IAH1: variants seen among roughly 807,000 people sequenced by gnomAD.
IAH1 encodes the protein isoamyl acetate-hydrolyzing esterase 1 homolog.
IAH1 carries 24 observed loss-of-function variants against 26.7 expected under a neutral mutation model. The observed-to-expected ratio is 0.90, with a 90% confidence interval of 0.65 to 1.26. The LOEUF is 1.26. Among genes scored for constraint, IAH1 ranks in the 50% most tolerant of loss-of-function variants. IAH1 has a pLI of 0.00. For synonymous variants in IAH1, 140 were observed against 118.5 expected (o/e 1.18, Z -1.18); for missense variants, 300 against 299.9 (o/e 1.00, Z 0.00).
At chr2:9,478,068 ATGTTC>A (rs1265303737) in intron 2 of IAH1, among the ~76,000 whole-genome samples, 149 bp from the exon 3 acceptor site, 1 of 152,186 alleles carries the variant, frequency 6.6e-6, no homozygotes, top group Non-Finnish European at 1.5e-5. Flanking sequence ...TGCTTCAGCT[ATGTTC>A]TTGCTCCTAT....
At position 9,476,088 on chromosome 2, in the gene IAH1, AGGGATCCGTCTTAT is replaced by A. The variant is rs762280197; in HGVS notation, c.134+52_134+65del. The stretch of plus-strand genomic sequence containing the variant: ...AGTTCTTATGGATGGAAAATGTCTT[AGGGATCCGTCTTAT>A]GGATGAAGGATAGTTCTGAACAGAA... On this transcript the variant is annotated intron_variant, in intron 2 of 5. Transcript: ENST00000497473. The A allele has an allele frequency of 3.4e-6, 5 of 1,491,336 alleles. No individual in the cohort carries two copies. In the South Asian group the frequency reaches 4.6e-5, roughly 14 times the overall value. The allele number at this position is 1,491,336 out of a possible 1,614,324, so 92.4% of individuals were successfully genotyped here.
the IAH1 span, among the ~76,000 whole-genome samples, chr2:9,505,958 C>A: frequency 6.6e-6 from 1 of 152,140 alleles, no homozygotes. Flanking sequence ...CATCAACCAG[C>A]AAGACCAGTG....
chr2:9,490,263 C>A (rs1228003788), downstream of IAH1: 9 of 1,613,910 alleles, frequency 5.6e-6, no homozygotes, highest in Non-Finnish European at 7.6e-6. Context: ...ACCGGATGGT[C>A]CGTGAGATCC....
chr2:9,496,182 G>A (rs1234017078), intron 6 of IAH1: 2 of 152,130 alleles, frequency 1.3e-5, no homozygotes, highest in Non-Finnish European at 2.9e-5. Context: ...AGGCTAGAGT[G>A]TAGCGGCGCA....
At chr2:9,500,770 T>C (rs182554311), downstream of IAH1, among the ~76,000 whole-genome samples, 144 of 152,268 alleles carry the variant, frequency 9.5e-4, no homozygotes, top group Non-Finnish European at 1.6e-3. Flanking sequence ...GATAAAGATG[T>C]AGAGATATGT....
the IAH1 span, among the ~76,000 whole-genome samples, chr2:9,507,786 C>G: frequency 6.6e-6 from 1 of 152,086 alleles, no homozygotes; most frequent in Non-Finnish European, 1.5e-5. Flanking sequence ...GTAGCACAAC[C>G]TTGGCTCACT....
chr2:9,496,844 C>T (rs183393634), downstream of IAH1, among the ~76,000 whole-genome samples: 114 of 152,298 alleles, frequency 7.5e-4, no homozygotes, highest in Non-Finnish European at 1.3e-3. Flanking sequence ...TCACCCCCAA[C>T]AAAATTCCCT....
chr2:9,474,626 C>G lies in IAH1; in HGVS notation c.60C>G (p.Leu20=). ...GSALLWPRLL[L]FGDSITQFSF... is the part of the protein sequence containing the mutation. Reference sequence around the variant, plus strand: ...CCCTGCTCTGGCCTCGCTTGTTGCTCTTCGGGGACTCCATCACCCAGGTAC... The same window carrying G: ...CCCTGCTCTGGCCTCGCTTGTTGCTGTTCGGGGACTCCATCACCCAGGTAC... The change falls in exon 1 of 6, where the codon CTC becomes CTG. Residue 20 remains leucine (L), a synonymous_variant. Coordinates refer to ENST00000497473, the MANE Select transcript of IAH1 (RefSeq NM_001039613.3). This position sits in a 1 kb window ranked among gnomAD's most constrained non-coding sequence, Gnocchi z 4.3. 6.4e-7 allele frequency: 1 copy of G among 1,554,346 alleles called. No homozygotes were observed. The highest frequency in any genetic ancestry group is 8.7e-7 in the Non-Finnish European group (1 of 1,153,766).
intron 4 of IAH1, among the ~76,000 whole-genome samples, chr2:9,482,692 C>T (rs1661255346): frequency 6.6e-6 from 1 of 152,224 alleles, no homozygotes; most frequent in Non-Finnish European, 1.5e-5. Flanking sequence ...GGGGTTGTAG[C>T]TATGTCCCTT....
chr2:9,504,359 C>T, the IAH1 span, among the ~76,000 whole-genome samples: 4 of 151,812 alleles, frequency 2.6e-5, no homozygotes, highest in Admixed American at 2.6e-4. Context: ...GCAGGGGAAT[C>T]GCTTGAACCT....
rs1682377741 is a variant in IAH1 at position 9,474,768 on chromosome 2, A to G, written c.81+121A>G. The G allele has an allele frequency of 9.4e-6, 7 of 746,160 alleles. No homozygotes were observed. In the Admixed American group the frequency reaches 1.2e-4, roughly 13 times the overall value. The allele number at this position is 746,160 out of a possible 1,614,324, so 46.2% of individuals were successfully genotyped here. A position where few individuals can be genotyped will look rare whatever the true frequency, so the allele number is the denominator to read the frequency against. On this transcript the variant is annotated intron_variant, in intron 1 of 5. Transcript: ENST00000497473. The surrounding 1 kb of genome is among the most constrained non-coding windows in gnomAD (Gnocchi z 4.3). Reference sequence around the variant, plus strand: ...AGACGGCTGGGCCGGAGGCCTGGCCACGCCCGTGGAGACACCGGAGGAGTG... The same window carrying G: ...AGACGGCTGGGCCGGAGGCCTGGCCGCGCCCGTGGAGACACCGGAGGAGTG...
At chr2:9,504,647 C>CACT in the IAH1 span, among the ~76,000 whole-genome samples, 1 of 140,898 alleles carries the variant, frequency 7.1e-6, no homozygotes, top group Non-Finnish European at 1.5e-5. Flanking sequence ...CCTGTAGTCC[C>CACT]ACTACTCAGG....
the IAH1 span, among the ~76,000 whole-genome samples, chr2:9,503,142 A>C: frequency 6.6e-5 from 10 of 151,434 alleles, no homozygotes; most frequent in African/African-American, 2.4e-4. Context: ...TCTCTCAAAA[A>C]AAAAAAAAAA....
At chr2:9,479,630 T>C (rs1319969194) in intron 3 of IAH1, among the ~76,000 whole-genome samples, 1 of 152,102 alleles carries the variant, frequency 6.6e-6, no homozygotes, top group African/African-American at 2.4e-5. Context: ...CTGACACGCA[T>C]GAAATAAGAT....
intron 4 of IAH1, among the ~76,000 whole-genome samples, chr2:9,483,708 A>C (rs545823188): frequency 6.6e-6 from 1 of 152,052 alleles, no homozygotes; most frequent in Non-Finnish European, 1.5e-5. Flanking sequence ...CAATCCCCAG[A>C]TACTGCACTC....
downstream of IAH1, among the ~76,000 whole-genome samples, chr2:9,492,403 T>C (rs1223698470): frequency 6.6e-6 from 1 of 152,360 alleles, no homozygotes; most frequent in South Asian, 2.1e-4. Context: ...TGCTTACTCT[T>C]ATTTTTTGGG....
the IAH1 span, among the ~76,000 whole-genome samples, chr2:9,502,739 C>T: frequency 1.3e-5 from 2 of 151,286 alleles, no homozygotes; most frequent in East Asian, 1.9e-4. Flanking sequence ...ATTAGCTGGG[C>T]GTGGTGGTGC....
At chr2:9,500,090 T>C (rs973102577), downstream of IAH1, among the ~76,000 whole-genome samples, 7 of 37,202 alleles carry the variant, frequency 1.9e-4, no homozygotes, top group Admixed American at 1.3e-3. Flanking sequence ...CAAAAACTCA[T>C]AGATAAATGT....
At chr2:9,509,901 AC>A in the IAH1 span, 1 of 1,538,684 alleles carries the variant, frequency 6.5e-7, no homozygotes, top group Non-Finnish European at 8.8e-7. Flanking sequence ...GGAATGGAAT[AC>A]GTTTCTGAGC....
Sources: allele counts gnomAD v4.1 joint callset (sites outside exome capture counted in the v4.1 genomes callset), GRCh38; gene constraint gnomAD v4.1.1; non-coding constraint Gnocchi (gnomAD v3.1); transcripts MANE v1.5; gene names NCBI Gene and HGNC (gene_info 2026-07-23, HGNC 2026-07-21).